IGF2BP2: variants seen among roughly 807,000 people sequenced by gnomAD.
The protein encoded by IGF2BP2 is insulin like growth factor 2 mRNA binding protein 2.
IGF2BP2 carries 17 observed loss-of-function variants against 75.8 expected under a neutral mutation model. The ratio of observed to expected loss-of-function variants is 0.22; its 90% CI spans 0.15 to 0.34. IGF2BP2 has a LOEUF of 0.34. Among genes scored for constraint, IGF2BP2 ranks in the 10% least tolerant of loss-of-function variants. The probability of loss-of-function intolerance (pLI) is 1.00; values close to 1 mark genes in which losing one functional copy is unlikely to be tolerated. For synonymous variants in IGF2BP2, 288 were observed against 295.6 expected, an observed-to-expected ratio of 0.97 and a Z score of 0.26; for missense variants, 516 against 772.4, an observed-to-expected ratio of 0.67 and a Z score of 3.93.
rs1329492724 is a variant in IGF2BP2, at chr3:185,799,683, C to T, written c.239+23470G>A. Among the ~76,000 whole-genome samples the T allele has an allele frequency of 8.6e-5, 13 of 151,402 alleles. No homozygotes were observed. In the East Asian group the frequency reaches 1.7e-3, roughly 20 times the overall value. On this transcript the variant is annotated intron_variant, in intron 2 of 15. Transcript: ENST00000382199. ...AGGAGAATTGCTTGAACCCAGGAGG[C>T]AGAGCTTGCAGTGAGCTGAGATTGC...
intron 9 of IGF2BP2, among the ~76,000 whole-genome samples, chr3:185,673,267 T>G (rs78912991): frequency 6.6e-6 from 1 of 152,186 alleles, no homozygotes; most frequent in Non-Finnish European, 1.5e-5. Context: ...ACAGAGAATG[T>G]CTTACTTAGT....
intron 6 of IGF2BP2, 74 bp downstream of exon 6, chr3:185,689,281 T>G: frequency 6.7e-7 from 1 of 1,500,640 alleles, no homozygotes; most frequent in South Asian, 1.3e-5. Flanking sequence ...AATTGTGACC[T>G]AAGAGTGGCT....
intron 2 of IGF2BP2, among the ~76,000 whole-genome samples, chr3:185,819,894 T>C (rs1246565066): frequency 1.3e-5 from 2 of 152,032 alleles, no homozygotes; most frequent in African/African-American, 2.4e-5. Context: ...CACAATGTAG[T>C]ACATACAAGC....
intron 14 of IGF2BP2, 46 bp downstream of exon 14, chr3:185,649,357 C>G: frequency 6.2e-7 from 1 of 1,605,346 alleles, no homozygotes; most frequent in Non-Finnish European, 8.5e-7. Flanking sequence ...AAGGCCAGAG[C>G]GGGGAATCTG....
chr3:185,675,731 C>T (rs1259860728), intron 8 of IGF2BP2, 60 bp downstream of exon 8: 56 of 1,578,262 alleles, frequency 3.5e-5, no homozygotes, highest in Middle Eastern at 2.3e-4. Flanking sequence ...ATGAACTAGA[C>T]GTATCGAAAT....
At chr3:185,722,327 G>A (rs377557007) in intron 2 of IGF2BP2, 1 of 447,724 alleles carries the variant, frequency 2.2e-6, no homozygotes, top group South Asian at 1.6e-5. Flanking sequence ...GATATAAGAT[G>A]AGAGTAATTC....
chr3:185,743,277 A>AT (rs943592680), intron 2 of IGF2BP2, among the ~76,000 whole-genome samples: 4 of 151,830 alleles, frequency 2.6e-5, no homozygotes, highest in African/African-American at 9.6e-5. Context: ...TAATTTTTTT[A>AT]TTTTTGTTTA....
intron 6 of IGF2BP2, chr3:185,689,106 A>AC: frequency 2.1e-6 from 1 of 487,286 alleles, no homozygotes. Context: ...TAGTTCGCTT[A>AC]CAGGAACAGT....
chr3:185,655,076 G>C (rs1345447192), intron 12 of IGF2BP2, among the ~76,000 whole-genome samples: 2 of 152,240 alleles, frequency 1.3e-5, no homozygotes, highest in African/African-American at 2.4e-5. Context: ...TTTAGAGACA[G>C]ATGTTTTCAG....
chr3:185,766,069 T>C (rs1018139424), intron 2 of IGF2BP2, among the ~76,000 whole-genome samples: 1 of 151,776 alleles, frequency 6.6e-6, no homozygotes, highest in African/African-American at 2.4e-5. Flanking sequence ...AATGTGGAGG[T>C]TCTAAGAACC....
intron 2 of IGF2BP2, among the ~76,000 whole-genome samples, chr3:185,818,867 C>G: frequency 6.6e-6 from 1 of 151,978 alleles, no homozygotes. Flanking sequence ...ATTTCCTCAA[C>G]ACAGTACTTG....
intron 2 of IGF2BP2, among the ~76,000 whole-genome samples, chr3:185,719,604 C>T (rs1726187372): frequency 6.6e-6 from 1 of 152,154 alleles, no homozygotes; most frequent in Non-Finnish European, 1.5e-5. Context: ...GAGGCCGAGG[C>T]AGGTGGATCA....
intron 2 of IGF2BP2, among the ~76,000 whole-genome samples, chr3:185,735,517 TA>T (rs1728744276): frequency 6.6e-6 from 1 of 152,224 alleles, no homozygotes; most frequent in Non-Finnish European, 1.5e-5. Flanking sequence ...TATAAATAGC[TA>T]AGAACAAAGC....
At chr3:185,716,936 T>C in intron 2 of IGF2BP2, 1 of 423,002 alleles carries the variant, frequency 2.4e-6, no homozygotes, top group Admixed American at 2.8e-5. Flanking sequence ...CCAGCCAGAC[T>C]CCGCCTTCTG....
At chr3:185,786,151 A>C (rs1315684859) in intron 2 of IGF2BP2, among the ~76,000 whole-genome samples, 1 of 152,074 alleles carries the variant, frequency 6.6e-6, no homozygotes, top group East Asian at 1.9e-4. Flanking sequence ...ACCAAAGATA[A>C]ACTATGTATC....
chr3:185,722,008 G>GT (rs1167001282), intron 2 of IGF2BP2: 5,244 of 235,150 alleles, frequency 0.022, 3 homozygotes, highest in South Asian at 0.041. Flanking sequence ...GCAAGTACTT[G>GT]TTTTTTTTTT....
chr3:185,729,802 C>T (rs929871571), intron 2 of IGF2BP2: 2 of 152,122 alleles, frequency 1.3e-5, no homozygotes, highest in Non-Finnish European at 2.9e-5. Context: ...TCTGGATGAA[C>T]CCAGATTTCC....
intron 2 of IGF2BP2, among the ~76,000 whole-genome samples, chr3:185,733,769 A>G (rs1728497525): frequency 6.6e-6 from 1 of 152,042 alleles, no homozygotes; most frequent in African/African-American, 2.4e-5. Context: ...TAATAATAAT[A>G]ATAATAAATA....
chr3:185,689,594 C>T lies in IGF2BP2; in HGVS notation c.438G>A (p.Glu146=), dbSNP rs769270600. 5 of 1,614,158 alleles carry T rather than the reference C, an allele frequency of 3.1e-6. No homozygotes were observed. In the South Asian group the frequency reaches 5.5e-5, roughly 18 times the overall value. Residue 146 remains glutamate, a synonymous_variant, in exon 6 of 16, where the codon GAG becomes GAA. Transcript: ENST00000382199. ...TGTAGGAAATCTTGAAGGAGTAGTT[C>T]TCAAACTGATGCCCGCTTAGCTTCT... ...AMEKLSGHQF[E]NYSFKISYIP...
Sources: gnomAD v4.1 joint callset for allele counts (sites outside exome capture counted in the v4.1 genomes callset) on GRCh38, gnomAD v4.1.1 for gene constraint, MANE v1.5 for transcripts, NCBI Gene and HGNC (gene_info 2026-07-23, HGNC 2026-07-21) for gene names.